The following SEC63 variants were observed in gnomAD, a reference collection of about 807,000 sequenced individuals.
The protein encoded by SEC63 is SEC63 protein translocation regulator, also known as translocation protein SEC63 homolog.
In SEC63, 56 loss-of-function variants were observed where a neutral mutation model predicts 116.2. That is an observed-to-expected ratio of 0.48 (90% CI 0.39 to 0.60). The LOEUF is 0.60. Ranked by LOEUF, SEC63 falls within the 20% of genes least tolerant of loss-of-function variation. The pLI is 0.00. For missense variants in SEC63, 668 were observed against 900.0 expected (o/e 0.74, Z 3.30); for synonymous variants, 273 against 294.6 (o/e 0.93, Z 0.75).
intron 19 of SEC63, among the ~76,000 whole-genome samples, chr6:107,875,448 G>C (rs566445637): frequency 1.3e-5 from 2 of 152,174 alleles, no homozygotes; most frequent in Non-Finnish European, 2.9e-5. Flanking sequence ...TGTAATCCCG[G>C]CACTTTGGGA....
chr6:107,921,875 C>T lies in SEC63; in HGVS notation c.374G>A (p.Arg125His), dbSNP rs765447143. Reference sequence around the variant, plus strand: ...TGGATGATATTTAAGTGACAGCAAACGATATTGTTTTTTAATTTCTGCTAC... The same window carrying T: ...TGGATGATATTTAAGTGACAGCAAATGATATTGTTTTTTAATTTCTGCTAC... Reference protein sequence around the residue: ...ATVAEIKKQYRLLSLKYHPDK... With the variant: ...ATVAEIKKQYHLLSLKYHPDK... Residue 125 changes from arginine to histidine, a missense_variant, in exon 4 of 21, where the codon CGT becomes CAT. This residue lies in a region of SEC63 where 142 missense variants were observed against 169.5 expected (regional missense o/e 0.84). Transcript: ENST00000369002. The T allele has an allele frequency of 1.3e-5, 21 of 1,606,794 alleles. No individual in the cohort carries two copies. Among genetic ancestry groups the T allele is most frequent in the East Asian group, 6.7e-5 (3 of 44,736 alleles).
At chr6:107,909,892 G>C (rs1159811250) in intron 7 of SEC63, among the ~76,000 whole-genome samples, 1 of 152,046 alleles carries the variant, frequency 6.6e-6, no homozygotes, top group African/African-American at 2.4e-5. Context: ...AGTAACAAAT[G>C]GTGAATATCA....
chr6:107,885,423 C>T (rs1022001773), intron 16 of SEC63, among the ~76,000 whole-genome samples: 3 of 152,100 alleles, frequency 2.0e-5, no homozygotes, highest in African/African-American at 2.4e-5. Context: ...GGATCAAATA[C>T]ATAGGAGTAA....
chr6:107,888,292 T>G (rs1786585491), intron 16 of SEC63, among the ~76,000 whole-genome samples: 1 of 152,186 alleles, frequency 6.6e-6, no homozygotes, highest in African/African-American at 2.4e-5. Context: ...TAGTTCTCCT[T>G]GAAGAGGTCC....
In SEC63 at chr6:107,887,909, G is replaced by C. The variant is rs1286587727; in HGVS notation, c.1675-4763C>G. 2.6e-5 allele frequency among the ~76,000 whole-genome samples: 4 copies of C among 152,090 alleles called. 1 individual carries two copies. The South Asian group carries it at 6.2e-4, about 24-fold the overall frequency. On this transcript the variant is annotated intron_variant, in intron 16 of 20. Coordinates refer to ENST00000369002, the MANE Select transcript of SEC63 (RefSeq NM_007214.5). ...TCAAAGATCAGATGGTTGTAGATGT[G>C]TGGCATTATTTCTGAGGGCTCTGCT...
At chr6:107,880,240 G>A (rs540471043) in intron 18 of SEC63, among the ~76,000 whole-genome samples, 4 of 152,294 alleles carry the variant, frequency 2.6e-5, no homozygotes, top group East Asian at 1.9e-4. Flanking sequence ...AATTATTTAC[G>A]AATTTGCCTT....
At position 107,931,281 on chromosome 6, in the gene SEC63, G is replaced by A. The variant is rs141080690; in HGVS notation, c.125-1767C>T. ...CAGTTGAACCTGGGAGGCGAAGGTC[G>A]CAGTGAGCCAAGATCACGCCATTGC... On this transcript the variant is annotated intron_variant, in intron 1 of 20. Coordinates refer to ENST00000369002, the MANE Select transcript of SEC63 (RefSeq NM_007214.5). Among the ~76,000 whole-genome samples, 612 of 151,610 alleles carry A rather than the reference G, an allele frequency of 4.0e-3. 1 individual carries two copies. Among genetic ancestry groups the A allele is most frequent in the African/African-American group, 0.014 (562 of 41,306 alleles).
At chr6:107,883,888 G>T (rs1786468473) in intron 16 of SEC63, among the ~76,000 whole-genome samples, 1 of 151,706 alleles carries the variant, frequency 6.6e-6, no homozygotes, top group Non-Finnish European at 1.5e-5. Flanking sequence ...GATGCAGTAA[G>T]TAAAGGCAAT....
At chr6:107,886,908 T>C (rs538398532) in intron 16 of SEC63, among the ~76,000 whole-genome samples, 1 of 152,106 alleles carries the variant, frequency 6.6e-6, no homozygotes. Flanking sequence ...TCTGTCTATT[T>C]TGGCTTTTGT....
At chr6:107,895,788 C>G (rs962567555) in intron 14 of SEC63, among the ~76,000 whole-genome samples, 1 of 140,264 alleles carries the variant, frequency 7.1e-6, no homozygotes, top group African/African-American at 2.7e-5. Flanking sequence ...TTTGTGAGGC[C>G]AAGGCAGGAA....
chr6:107,904,801 A>ACC, intron 10 of SEC63, 80 bp from the exon 11 acceptor site: 1 of 1,023,960 alleles, frequency 9.8e-7, no homozygotes, highest in South Asian at 1.3e-5. Context: ...CCCAAAACTA[A>ACC]TATTAAAGTT....
intron 1 of SEC63, among the ~76,000 whole-genome samples, chr6:107,943,070 C>A (rs1160735028): frequency 6.6e-6 from 1 of 152,178 alleles, no homozygotes; most frequent in East Asian, 1.9e-4. Context: ...CTCAAGAGAT[C>A]ACTTTCTATG....
In SEC63 at chr6:107,957,965, G is replaced by C; in HGVS notation, c.45C>G (p.Phe15Leu). Residue 15 changes from phenylalanine (F) to leucine (L), a missense_variant, in exon 1 of 21, where the codon TTC becomes TTG. Transcript: ENST00000369002. ...CCACGAAGGAGGTGAGGAAGTAGAAGAAGGTGTTCCCACTGTCATCGTACT... is the reference window on the plus strand; with the variant it reads ...CCACGAAGGAGGTGAGGAAGTAGAACAAGGTGTTCCCACTGTCATCGTACT... ...QFQYDDSGNT[F>L]FYFLTSFVGL... The C allele has an allele frequency of 6.2e-7, 1 of 1,613,504 alleles. No homozygotes were observed.
At chr6:107,954,482 C>CAAAAAAAAAAAAAAAAAAAAAAATAA (rs4028832) in intron 1 of SEC63, 2 of 116,870 alleles carry the variant, frequency 1.7e-5, no homozygotes, top group African/African-American at 3.4e-5. Flanking sequence ...AAAAAAAAAT[C>CAAAAAAAAAAAAAAAAAAAAAAATAA]AAAAAAAAAA....
At chr6:107,941,080 G>T (rs1770364825) in intron 1 of SEC63, among the ~76,000 whole-genome samples, 1 of 152,076 alleles carries the variant, frequency 6.6e-6, no homozygotes, top group African/African-American at 2.4e-5. Flanking sequence ...AACATACAAG[G>T]ATGTATGTCC....
At chr6:107,909,488 TACA>T (rs1340909269) in intron 7 of SEC63, among the ~76,000 whole-genome samples, 1 of 152,144 alleles carries the variant, frequency 6.6e-6, no homozygotes, top group Admixed American at 6.6e-5. Context: ...ACCTGAGTCT[TACA>T]ACAAGGACCT....
chr6:107,890,688 T>G (rs1205232289), intron 16 of SEC63, among the ~76,000 whole-genome samples: 1 of 152,182 alleles, frequency 6.6e-6, no homozygotes. Context: ...ATTTGGTATG[T>G]TTTTGCAGTG....
intron 7 of SEC63, among the ~76,000 whole-genome samples, chr6:107,910,683 TATAC>T (rs1446344742): frequency 6.6e-6 from 1 of 152,008 alleles, no homozygotes; most frequent in Non-Finnish European, 1.5e-5. Flanking sequence ...TATGTACACA[TATAC>T]ATATGTCATA....
intron 1 of SEC63, among the ~76,000 whole-genome samples, chr6:107,945,442 G>A (rs929243461): frequency 4.0e-5 from 6 of 151,838 alleles, no homozygotes; most frequent in African/African-American, 1.4e-4. Context: ...GAGCAGCTGG[G>A]ACTAAAGGTG....
Sources: gnomAD v4.1 joint callset for allele counts (sites outside exome capture counted in the v4.1 genomes callset) on GRCh38, gnomAD v4.1.1 for gene constraint, gnomAD v4.1.1 regional missense constraint, MANE v1.5 for transcripts, NCBI Gene and HGNC (gene_info 2026-07-23, HGNC 2026-07-21) for gene names.